Variants in ZRANB3 observed in about 807,000 individuals in gnomAD.
ZRANB3 encodes the protein DNA annealing helicase and endonuclease ZRANB3.
In ZRANB3, 125 loss-of-function variants were observed where a neutral mutation model predicts 133.8. The ratio of observed to expected loss-of-function variants is 0.93; its 90% confidence interval spans 0.81 to 1.08. The LOEUF (loss-of-function observed/expected upper bound fraction) is 1.08. Ranked by LOEUF, ZRANB3 falls within the 50% of genes least tolerant of loss-of-function variation. The pLI is 0.00. For synonymous variants in ZRANB3, 387 were observed against 432.7 expected (o/e 0.89, Z 1.31); for missense variants, 1,229 against 1,275.5 (o/e 0.96, Z 0.56).
At chr2:135,330,430 T>C (rs562345033) in intron 6 of ZRANB3, among the ~76,000 whole-genome samples, 91 of 152,310 alleles carry the variant, frequency 6.0e-4, no homozygotes, top group African/African-American at 1.8e-3. Context: ...GGATAAGCTC[T>C]TTGATGTGCT....
At chr2:135,204,707 TTA>T (rs199914863) in intron 19 of ZRANB3, among the ~76,000 whole-genome samples, 7,146 of 144,972 alleles carry the variant, frequency 0.049, 246 homozygotes, top group Middle Eastern at 0.12. Context: ...ATAATATATA[TTA>T]TATGTTTTAT....
intron 2 of ZRANB3, among the ~76,000 whole-genome samples, chr2:135,434,774 AG>A (rs1487058089): frequency 6.6e-6 from 1 of 152,238 alleles, no homozygotes; most frequent in East Asian, 1.9e-4. Flanking sequence ...TGAACAAGAA[AG>A]GTGCACATTA....
chr2:135,232,289 C>G (rs1225485252), intron 12 of ZRANB3, among the ~76,000 whole-genome samples: 2 of 152,212 alleles, frequency 1.3e-5, no homozygotes, highest in Non-Finnish European at 2.9e-5. Context: ...AACAAAGTGC[C>G]TGGAAGCTCG....
chr2:135,524,312 C>T (rs1443473887), intron 1 of ZRANB3, among the ~76,000 whole-genome samples: 1 of 152,086 alleles, frequency 6.6e-6, no homozygotes, highest in Non-Finnish European at 1.5e-5. Context: ...GAACTCCCGA[C>T]CTCAGGTGAT....
chr2:135,505,479 C>A (rs1325083135), intron 1 of ZRANB3, among the ~76,000 whole-genome samples: 1 of 151,704 alleles, frequency 6.6e-6, no homozygotes, highest in Non-Finnish European at 1.5e-5. Context: ...GAGCCTAAGG[C>A]AGAAGAATCA....
chr2:135,233,749 A>AT (rs1695147439), intron 12 of ZRANB3, among the ~76,000 whole-genome samples: 1 of 152,230 alleles, frequency 6.6e-6, no homozygotes, highest in African/African-American at 2.4e-5. Flanking sequence ...ATGCTGAGAG[A>AT]TTTTGTCACC....
Position 135,345,604 on chromosome 2 carries a change from T to C in ZRANB3, c.623A>G (p.Gln208Arg). 6.2e-7 allele frequency: 1 copy of C among 1,612,914 alleles called. No homozygotes were observed. Among genetic ancestry groups the C allele is most frequent in the African/African-American group, 1.3e-5 (1 of 75,050 alleles). Residue 208 changes from glutamine to arginine, a missense_variant, in exon 6 of 21, where the codon CAA (glutamine) becomes CGA (arginine). Physicochemically the swap from Gln to Arg is conservative, Grantham distance 43. Transcript: ENST00000264159. The stretch of plus-strand genomic sequence containing the variant: ...ATAGTCGGTCCATCTTCCAAATTTT[T>C]GTGGAAAGAGAGCTTCAATCTGCAT... ...LFMQIEALFP[Q>R]KFGRWTDYAK...
At chr2:135,269,862 C>T (rs907677638) in intron 10 of ZRANB3, among the ~76,000 whole-genome samples, 11 of 152,144 alleles carry the variant, frequency 7.2e-5, no homozygotes, top group African/African-American at 2.2e-4. Context: ...TATGCTATAG[C>T]CATATAGCAG....
Position 135,265,630 on chromosome 2 carries a change from T to C in ZRANB3, c.1443A>G (p.Glu481=), listed in dbSNP as rs1252300248. The C allele has an allele frequency of 6.2e-7, 1 of 1,613,698 alleles. No homozygotes were observed. The stretch of plus-strand genomic sequence containing the variant: ...GGAAATCCCATTTTTCCTTATCACC[T>C]TCCTCAGCCTGAATTTTTTCTTTCC... ...NGRKEKIQAE[E]GDKEKWDFLQ... The change falls in exon 12 of 21, where the codon GAA becomes GAG. Residue 481 remains glutamate, a synonymous_variant. Transcript: ENST00000264159.
chr2:135,416,339 G>T (rs993951761), intron 2 of ZRANB3, among the ~76,000 whole-genome samples: 63 of 152,210 alleles, frequency 4.1e-4, no homozygotes, highest in African/African-American at 1.5e-3. Context: ...GCCAAATCAT[G>T]AGTGAACTCC....
At chr2:135,389,236 T>C (rs2104923653) in intron 3 of ZRANB3, among the ~76,000 whole-genome samples, 1 of 152,334 alleles carries the variant, frequency 6.6e-6, no homozygotes, top group South Asian at 2.1e-4. Context: ...ATGACTCTTT[T>C]TCTAATTATA....
intron 19 of ZRANB3, 23 bp downstream of exon 19, chr2:135,207,411 T>A (rs755057973): frequency 2.3e-5 from 37 of 1,575,646 alleles, no homozygotes; most frequent in Non-Finnish European, 2.4e-5. Flanking sequence ...CTGCCTTCTA[T>A]CTATCACATG....
At chr2:135,470,685 T>A (rs1235170812) in intron 2 of ZRANB3, among the ~76,000 whole-genome samples, 1 of 151,796 alleles carries the variant, frequency 6.6e-6, no homozygotes, top group Non-Finnish European at 1.5e-5. Flanking sequence ...AGACTCCATC[T>A]CAAAACAAAT....
At chr2:135,371,247 A>G (rs1490293839) in intron 3 of ZRANB3, among the ~76,000 whole-genome samples, 1 of 152,236 alleles carries the variant, frequency 6.6e-6, no homozygotes, top group African/African-American at 2.4e-5. Context: ...AGTCATAAAG[A>G]ACATTTCACT....
intron 12 of ZRANB3, among the ~76,000 whole-genome samples, 195 bp downstream of exon 12, chr2:135,265,339 C>T (rs1426542785): frequency 3.9e-5 from 6 of 151,938 alleles, no homozygotes; most frequent in South Asian, 4.2e-4. Flanking sequence ...TTTGTTTATC[C>T]GAGGAGCTGA....
In ZRANB3 at chr2:135,251,864, G is replaced by A. The variant is rs566688261; in HGVS notation, c.1539+13670C>T. Among the ~76,000 whole-genome samples the A allele has an allele frequency of 1.1e-4, 17 of 152,142 alleles. 1 individual carries two copies. The South Asian group carries it at 2.7e-3, about 24-fold the overall frequency. Reference sequence around the variant, plus strand: ...AGCCTGGCCAACATGGTGAAACCTCGTCTCTACTAAAAATACAAAAATTAG... The same window carrying A: ...AGCCTGGCCAACATGGTGAAACCTCATCTCTACTAAAAATACAAAAATTAG... On this transcript the variant is annotated intron_variant, in intron 12 of 20. Transcript: ENST00000264159.
intron 3 of ZRANB3, among the ~76,000 whole-genome samples, chr2:135,389,959 C>T (rs1210616755): frequency 3.5e-5 from 5 of 142,692 alleles, no homozygotes; most frequent in African/African-American, 1.1e-4. Context: ...CGGCTCACTG[C>T]AAGCTCTGCC....
chr2:135,426,763 C>T (rs180908287), intron 2 of ZRANB3, among the ~76,000 whole-genome samples: 9,363 of 133,468 alleles, frequency 0.07, 672 homozygotes, highest in African/African-American at 0.19. Flanking sequence ...ACCCAGGAGG[C>T]GGAGCTTGCA....
intron 2 of ZRANB3, among the ~76,000 whole-genome samples, chr2:135,422,911 AAAC>A (rs1477199634): frequency 4.6e-5 from 7 of 152,220 alleles, no homozygotes; most frequent in Non-Finnish European, 8.8e-5. Flanking sequence ...GGGTGGTTTA[AAAC>A]AAAATAAATT....
Sources: allele counts gnomAD v4.1 joint callset (sites outside exome capture counted in the v4.1 genomes callset), GRCh38; gene constraint gnomAD v4.1.1; transcripts MANE v1.5; gene names NCBI Gene and HGNC (gene_info 2026-07-23, HGNC 2026-07-21).